Variants in ME2 observed in about 807,000 individuals in gnomAD.
ME2 encodes malic enzyme 2.
A neutral mutation model predicts 73.7 loss-of-function variants in ME2; 60 were observed. That is an observed-to-expected ratio of 0.81 (90% CI 0.66 to 1.01). ME2 has a LOEUF of 1.01. ME2 is among the 50% of genes least tolerant of loss of function. The probability of loss-of-function intolerance (pLI) is 0.00; values close to 1 mark genes in which losing one functional copy is unlikely to be tolerated. For synonymous variants in ME2, 199 were observed against 236.9 expected, an observed-to-expected ratio of 0.84 and a Z score of 1.47; for missense variants, 594 against 705.5, an observed-to-expected ratio of 0.84 and a Z score of 1.79.
intron 2 of ME2, among the ~76,000 whole-genome samples, chr18:50,898,309 A>T (rs769324896): frequency 6.6e-6 from 1 of 152,204 alleles, no homozygotes; most frequent in Non-Finnish European, 1.5e-5. Context: ...AAAATTGACA[A>T]TTTTAACTAT....
At chr18:50,946,971 T>C (rs1918097922) in intron 15 of ME2, 46 bp from the exon 16 acceptor site, 1 of 1,362,998 alleles carries the variant, frequency 7.3e-7, no homozygotes, top group Admixed American at 1.9e-5. Flanking sequence ...GTCTCTCTAA[T>C]AGGTTAATAC....
At chr18:50,905,706 G>C (rs557055037) in intron 2 of ME2, among the ~76,000 whole-genome samples, 2 of 152,204 alleles carry the variant, frequency 1.3e-5, no homozygotes, top group African/African-American at 2.4e-5. Context: ...AGTTGGTTGA[G>C]TTATTATCAA....
At chr18:50,891,538 C>A (rs1450453284) in intron 1 of ME2, among the ~76,000 whole-genome samples, 2 of 152,108 alleles carry the variant, frequency 1.3e-5, no homozygotes, top group Non-Finnish European at 2.9e-5. Flanking sequence ...AGCCAATAAG[C>A]CTTTTTCATG....
At chr18:50,899,237 CT>C (rs1322738349) in intron 2 of ME2, among the ~76,000 whole-genome samples, 1 of 152,200 alleles carries the variant, frequency 6.6e-6, no homozygotes, top group Non-Finnish European at 1.5e-5. Context: ...TCCCTACCCC[CT>C]GAAATAGAGT....
At chr18:50,944,927 G>A (rs1205459708) in intron 15 of ME2, among the ~76,000 whole-genome samples, 2 of 152,028 alleles carry the variant, frequency 1.3e-5, no homozygotes, top group African/African-American at 2.4e-5. Flanking sequence ...GGCAGGCCAC[G>A]TGTTCAGCTC....
At chr18:50,902,407 T>G (rs571641397) in intron 2 of ME2, among the ~76,000 whole-genome samples, 1 of 152,310 alleles carries the variant, frequency 6.6e-6, no homozygotes, top group Non-Finnish European at 1.5e-5. Flanking sequence ...TTCTATCACC[T>G]TTTTTGGTGA....
At chr18:50,911,946 G>C (rs758166149) in intron 3 of ME2, among the ~76,000 whole-genome samples, 8 of 152,172 alleles carry the variant, frequency 5.3e-5, no homozygotes, top group Non-Finnish European at 8.8e-5. Context: ...AGGTAAATCA[G>C]CTGAGAAATG....
At chr18:50,908,888 G>A (rs867489259) in intron 3 of ME2, among the ~76,000 whole-genome samples, 7 of 151,770 alleles carry the variant, frequency 4.6e-5, no homozygotes, top group African/African-American at 7.3e-5. Flanking sequence ...TGATCCGCCC[G>A]CCTCAGCCTC....
intron 7 of ME2, among the ~76,000 whole-genome samples, chr18:50,919,325 A>T (rs924980778): frequency 1.3e-5 from 2 of 152,164 alleles, no homozygotes; most frequent in African/African-American, 4.8e-5. Flanking sequence ...TACCTTAATG[A>T]TCTAACCCTG....
Position 50,920,676 on chromosome 18 carries a change from C to T in ME2, c.860C>T (p.Ala287Val), listed in dbSNP as rs1443802685. 1 of 1,610,954 alleles carries T rather than the reference C, an allele frequency of 6.2e-7. No individual in the cohort carries two copies. The highest frequency in any genetic ancestry group is 1.7e-5 in the Admixed American group (1 of 59,384). The change falls in exon 9 of 16, where the codon GCT becomes GTT. Residue 287 changes from alanine to valine, a missense_variant. Physicochemically the swap from Ala to Val is moderately conservative, Grantham distance 64. Coordinates refer to ENST00000321341, the MANE Select transcript of ME2 (RefSeq NM_002396.5). The part of the protein sequence containing the change: ...NDDIQGTAAV[A>V]LAGLLAAQKV... ...TTTCTTACAGGGACAGCTGCAGTAG[C>T]TCTAGCAGGTCTTCTTGCAGCACAA...
chr18:50,941,420 G>A (rs561458632), intron 15 of ME2, among the ~76,000 whole-genome samples: 14 of 115,140 alleles, frequency 1.2e-4, no homozygotes, highest in Admixed American at 1.2e-3. Flanking sequence ...AGGCTTGAGT[G>A]CAGTGGCGGA....
At chr18:50,888,414 TGGGAGG>T (rs1916529570) in intron 1 of ME2, among the ~76,000 whole-genome samples, 1 of 148,824 alleles carries the variant, frequency 6.7e-6, no homozygotes, top group Admixed American at 6.7e-5. Context: ...TAGAAAGGAA[TGGGAGG>T]GAATACATTT....
At chr18:50,913,948 C>T (rs1342104775) in intron 4 of ME2, among the ~76,000 whole-genome samples, 1 of 151,600 alleles carries the variant, frequency 6.6e-6, no homozygotes, top group African/African-American at 2.4e-5. Context: ...TATTATTTTT[C>T]TCAATCCTTA....
At chr18:50,911,702 A>G (rs1018033769) in intron 3 of ME2, among the ~76,000 whole-genome samples, 10 of 152,228 alleles carry the variant, frequency 6.6e-5, no homozygotes, top group African/African-American at 2.4e-4. Context: ...CAGCAAGTCC[A>G]GGTTGAGTTG....
chr18:50,940,224 C>T, intron 14 of ME2, 64 bp from the exon 15 acceptor site: 2 of 1,070,384 alleles, frequency 1.9e-6, no homozygotes, highest in Admixed American at 2.2e-5. Context: ...ATGCTTTTTC[C>T]ATTTACTGGG....
intron 1 of ME2, among the ~76,000 whole-genome samples, chr18:50,883,764 T>G (rs1410118245): frequency 2.0e-5 from 3 of 152,170 alleles, no homozygotes; most frequent in African/African-American, 7.2e-5. Flanking sequence ...CTCGGGAGGC[T>G]GAGGCAGGAG....
At chr18:50,939,471 G>A (rs959866298) in intron 13 of ME2, 99 bp from the exon 14 acceptor site, 10 of 724,846 alleles carry the variant, frequency 1.4e-5, no homozygotes, top group African/African-American at 5.3e-5. Flanking sequence ...AGCTGTTTGC[G>A]ATGTGGATGG....
intron 2 of ME2, among the ~76,000 whole-genome samples, chr18:50,904,476 G>A (rs945914493): frequency 5.9e-5 from 9 of 151,874 alleles, no homozygotes; most frequent in African/African-American, 1.7e-4. Flanking sequence ...TAGAGATGGG[G>A]TTTCACCATA....
chr18:50,937,128 T>C (rs937108318), intron 13 of ME2, among the ~76,000 whole-genome samples: 1 of 150,834 alleles, frequency 6.6e-6, no homozygotes, highest in Non-Finnish European at 1.5e-5. Context: ...GTGATGAGAC[T>C]AAATGTTTGG....
Sources: gnomAD v4.1 joint callset for allele counts (sites outside exome capture counted in the v4.1 genomes callset) on GRCh38, gnomAD v4.1.1 for gene constraint, MANE v1.5 for transcripts, NCBI Gene and HGNC (gene_info 2026-07-23, HGNC 2026-07-21) for gene names.